Variants in DOCK1 observed in about 807,000 individuals in gnomAD.
The protein encoded by DOCK1 is dedicator of cytokinesis 1, also known as dedicator of cytokinesis protein 1.
In DOCK1, 138 loss-of-function variants were observed where a neutral mutation model predicts 262.7. That is an observed-to-expected ratio of 0.53 (90% CI 0.46 to 0.61). The LOEUF (loss-of-function observed/expected upper bound fraction) is 0.61, where lower values mean the gene tolerates loss of function less well. Among genes scored for constraint, DOCK1 ranks in the 20% least tolerant of loss-of-function variants. The pLI, the probability that DOCK1 is intolerant of heterozygous loss-of-function variation, is 0.00. For missense variants in DOCK1, 1,908 were observed against 2,370.7 expected, an observed-to-expected ratio of 0.80 and a Z score of 4.05; for synonymous variants, 866 against 867.4, an observed-to-expected ratio of 1.00 and a Z score of 0.03.
intron 27 of DOCK1, among the ~76,000 whole-genome samples, chr10:127,153,692 G>T (rs780248019): frequency 6.6e-6 from 1 of 152,158 alleles, no homozygotes; most frequent in Admixed American, 6.5e-5. Context: ...TACTTGGGGT[G>T]GGGTATTTAG....
intron 25 of DOCK1, among the ~76,000 whole-genome samples, chr10:127,121,455 A>ATGTATATGTGTGTGTGTGTGTG (rs1554889195): frequency 2.7e-5 from 4 of 148,260 alleles, no homozygotes; most frequent in South Asian, 2.2e-4. Context: ...GTATATGTAT[A>ATGTATATGTGTGTGTGTGTGTG]TGTGTGTGTG....
intron 23 of DOCK1, among the ~76,000 whole-genome samples, chr10:127,069,425 A>G (rs781169839): frequency 1.8e-4 from 28 of 152,218 alleles, no homozygotes; most frequent in Admixed American, 5.2e-4. Context: ...TGGCACCGTC[A>G]TAGACCAGCA....
intron 18 of DOCK1, among the ~76,000 whole-genome samples, chr10:127,035,043 A>G (rs1430082756): frequency 6.6e-6 from 1 of 152,206 alleles, no homozygotes; most frequent in Admixed American, 6.5e-5. Context: ...TTCCGATGTG[A>G]TGCCACTCAC....
intron 40 of DOCK1, among the ~76,000 whole-genome samples, chr10:127,408,409 C>T (rs1027944662): frequency 3.9e-5 from 6 of 152,202 alleles, no homozygotes; most frequent in Admixed American, 3.3e-4. Context: ...GTCCTGCTCT[C>T]CGTCCATCGC....
At chr10:127,302,256 C>G (rs2061706568) in intron 29 of DOCK1, among the ~76,000 whole-genome samples, 1 of 152,118 alleles carries the variant, frequency 6.6e-6, no homozygotes, top group East Asian at 1.9e-4. Flanking sequence ...ACTCTAGCCA[C>G]CTGTTGGGGA....
chr10:127,345,251 G>A (rs2063580074), intron 31 of DOCK1, among the ~76,000 whole-genome samples: 1 of 152,170 alleles, frequency 6.6e-6, no homozygotes, highest in Admixed American at 6.5e-5. Context: ...TTATGTCAGT[G>A]ACTTTCTAAG....
At chr10:127,412,041 C>G (rs1203226830) in intron 43 of DOCK1, among the ~76,000 whole-genome samples, 1 of 151,972 alleles carries the variant, frequency 6.6e-6, no homozygotes, top group Non-Finnish European at 1.5e-5. Flanking sequence ...CAGCTCACTG[C>G]AAGCTCCGCC....
intron 27 of DOCK1, among the ~76,000 whole-genome samples, chr10:127,238,393 G>A (rs940628046): frequency 2.0e-5 from 3 of 152,156 alleles, no homozygotes; most frequent in African/African-American, 7.2e-5. Flanking sequence ...CGTCCCCAAA[G>A]ACCTTTTACC....
At chr10:127,042,390 C>T (rs572689822) in intron 19 of DOCK1, among the ~76,000 whole-genome samples, 1 of 152,310 alleles carries the variant, frequency 6.6e-6, no homozygotes, top group South Asian at 2.1e-4. Context: ...GCAGTAGGCC[C>T]TCTCCTTGCT....
chr10:127,053,461 C>G (rs1376425616), intron 22 of DOCK1, among the ~76,000 whole-genome samples: 2 of 152,208 alleles, frequency 1.3e-5, no homozygotes, highest in African/African-American at 4.8e-5. Flanking sequence ...TGTTTCATTT[C>G]GGGAGAACTC....
chr10:127,237,643 T>C (rs1163875266), intron 27 of DOCK1, among the ~76,000 whole-genome samples: 1 of 152,236 alleles, frequency 6.6e-6, no homozygotes, highest in Non-Finnish European at 1.5e-5. Context: ...TGATTATTCC[T>C]GCTGCTTAAA....
At position 127,042,631 on chromosome 10, in the gene DOCK1, C is replaced by T; in HGVS notation, c.2017C>T (p.Gln673Ter). ...ACCTTCTGTGTCTATGCAGTTTCTT[C>T]AGGACACGTTGGATGCCCTCTTCAA... ...VDGGEVVKFL[Q>*]DTLDALFNIM... The change falls in exon 20 of 52, where the codon CAG becomes TAG. Residue 673 changes from glutamine to a stop codon, truncating the protein, a stop_gained. Transcript: ENST00000623213. LOFTEE classifies it high-confidence loss of function. The T allele has an allele frequency of 6.2e-7, 1 of 1,614,140 alleles. No individual in the cohort carries two copies.
intron 4 of DOCK1, among the ~76,000 whole-genome samples, chr10:126,985,323 C>T (rs2039302779): frequency 6.6e-6 from 1 of 152,166 alleles, no homozygotes; most frequent in Admixed American, 6.5e-5. Flanking sequence ...CACTTTCCCT[C>T]AGTCTTACCA....
intron 38 of DOCK1, among the ~76,000 whole-genome samples, chr10:127,392,792 G>A (rs768876912): frequency 2.6e-5 from 4 of 152,090 alleles, no homozygotes; most frequent in Non-Finnish European, 5.9e-5. Context: ...ACTCTGCCAC[G>A]TGCCGCATCA....
chr10:127,265,443 C>G (rs111535669), intron 29 of DOCK1, among the ~76,000 whole-genome samples: 1 of 152,108 alleles, frequency 6.6e-6, no homozygotes, highest in Non-Finnish European at 1.5e-5. Flanking sequence ...ATGATGCTTG[C>G]AGTCTGCAAA....
chr10:126,941,894 A>G (rs977530100), intron 1 of DOCK1, among the ~76,000 whole-genome samples: 3 of 152,208 alleles, frequency 2.0e-5, no homozygotes, highest in Non-Finnish European at 4.4e-5. Flanking sequence ...TCAGACTTAA[A>G]AGTCCCATGG....
chr10:127,010,806 G>A (rs1255759208), intron 11 of DOCK1, among the ~76,000 whole-genome samples: 2 of 152,220 alleles, frequency 1.3e-5, no homozygotes, highest in Non-Finnish European at 2.9e-5. Context: ...TCTCTCATGA[G>A]AAATAATGCA....
chr10:127,007,872 G>T, intron 10 of DOCK1, among the ~76,000 whole-genome samples: 1 of 152,128 alleles, frequency 6.6e-6, no homozygotes, highest in East Asian at 1.9e-4. Context: ...GATTTGCCTT[G>T]AAGTGTCCTC....
At chr10:126,951,431 GTAT>G (rs1644906004) in intron 1 of DOCK1, among the ~76,000 whole-genome samples, 2 of 151,806 alleles carry the variant, frequency 1.3e-5, no homozygotes, top group African/African-American at 4.8e-5. Context: ...GGTGGTGGTA[GTAT>G]TGTTGGTAGT....
Sources: gnomAD v4.1 joint callset for allele counts (sites outside exome capture counted in the v4.1 genomes callset) on GRCh38, gnomAD v4.1.1 for gene constraint, MANE v1.5 for transcripts, NCBI Gene and HGNC (gene_info 2026-07-23, HGNC 2026-07-21) for gene names.